The following FANCC variants were observed in gnomAD, a reference collection of about 807,000 sequenced individuals.
FANCC encodes the protein FA complementation group C.
Under a neutral mutation model 71.3 loss-of-function variants are expected in FANCC, and 55 were observed. That is an observed-to-expected ratio of 0.77 (90% confidence interval 0.62 to 0.97). The LOEUF is 0.97. Ranked by LOEUF, FANCC falls within the 50% of genes least tolerant of loss-of-function variation. FANCC has a pLI of 0.00. For synonymous variants in FANCC, 275 were observed against 244.9 expected (o/e 1.12, Z -1.15); for missense variants, 678 against 670.9 (o/e 1.01, Z -0.12).
intron 7 of FANCC, among the ~76,000 whole-genome samples, chr9:95,140,331 G>GA (rs1048303974): frequency 3.9e-5 from 6 of 152,106 alleles, no homozygotes; most frequent in Admixed American, 3.9e-4. Context: ...TTGAGATTTA[G>GA]AAAACTCTAC....
chr9:95,198,727 A>T (rs1827610625), intron 4 of FANCC, among the ~76,000 whole-genome samples: 2 of 151,926 alleles, frequency 1.3e-5, no homozygotes, highest in South Asian at 2.1e-4. Context: ...TCTTATTAAA[A>T]TTTTTTTTGT....
At chr9:95,213,644 T>C (rs1828648002) in intron 4 of FANCC, among the ~76,000 whole-genome samples, 1 of 152,208 alleles carries the variant, frequency 6.6e-6, no homozygotes, top group Admixed American at 6.5e-5. Context: ...TAGCCCCATA[T>C]ACAAATATTA....
intron 13 of FANCC, chr9:95,111,075 A>T: frequency 4.6e-6 from 7 of 1,506,790 alleles, no homozygotes; most frequent in Non-Finnish European, 6.2e-6. Flanking sequence ...GGGGAGCGAG[A>T]CAGGGCCCTG....
At chr9:95,125,257 A>C in intron 9 of FANCC, 72 bp from the exon 10 acceptor site, 1 of 1,238,422 alleles carries the variant, frequency 8.1e-7, no homozygotes, top group Non-Finnish European at 1.2e-6. Context: ...TGCACTGTAT[A>C]AGGGAAAAGT....
chr9:95,162,270 T>C (rs984620461), intron 6 of FANCC, among the ~76,000 whole-genome samples: 1 of 152,370 alleles, frequency 6.6e-6, no homozygotes, highest in African/African-American at 2.4e-5. Context: ...ATCCACACTG[T>C]AGCATATGAC....
At chr9:95,123,552 C>G in intron 10 of FANCC, 2 of 541,624 alleles carry the variant, frequency 3.7e-6, no homozygotes, top group Non-Finnish European at 3.6e-6. Context: ...AACGGTCGTA[C>G]CAAAAAGGGC....
chr9:95,158,110 G>A (rs759420401), intron 6 of FANCC, among the ~76,000 whole-genome samples: 13 of 152,022 alleles, frequency 8.6e-5, no homozygotes, highest in African/African-American at 1.2e-4. Flanking sequence ...GCAACTCTCC[G>A]GCCTACCTTT....
At chr9:95,127,832 CAG>C (rs908452427) in intron 8 of FANCC, among the ~76,000 whole-genome samples, 1 of 152,254 alleles carries the variant, frequency 6.6e-6, no homozygotes, top group African/African-American at 2.4e-5. Flanking sequence ...GTCCACTGGT[CAG>C]CACTGCTGGA....
intron 6 of FANCC, among the ~76,000 whole-genome samples, chr9:95,161,303 C>A (rs1246613219): frequency 1.3e-5 from 2 of 152,196 alleles, no homozygotes; most frequent in African/African-American, 4.8e-5. Context: ...GAAGGAGAAG[C>A]CAGCCCGAAA....
intron 1 of FANCC, among the ~76,000 whole-genome samples, chr9:95,306,382 A>G (rs1835070093): frequency 6.6e-6 from 1 of 152,196 alleles, no homozygotes. Context: ...CTGGTTGGGC[A>G]GTATTCAAAG....
chr9:95,166,288 T>G (rs750973215), intron 6 of FANCC, among the ~76,000 whole-genome samples: 1 of 152,120 alleles, frequency 6.6e-6, no homozygotes, highest in East Asian at 1.9e-4. Flanking sequence ...CTAGTAGTTA[T>G]TCTGTTCACG....
intron 1 of FANCC, among the ~76,000 whole-genome samples, chr9:95,258,555 T>C (rs999342539): frequency 1.1e-4 from 17 of 152,278 alleles, no homozygotes; most frequent in African/African-American, 4.1e-4. Context: ...TAATAAGAGC[T>C]ATTTATGACA....
intron 4 of FANCC, among the ~76,000 whole-genome samples, chr9:95,225,973 G>C (rs1458301334): frequency 2.6e-5 from 4 of 152,112 alleles, no homozygotes; most frequent in African/African-American, 7.2e-5. Flanking sequence ...GTGGAATGAA[G>C]TACTGATCAC....
chr9:95,135,825 C>T (rs1210120345), intron 7 of FANCC, among the ~76,000 whole-genome samples: 1 of 152,224 alleles, frequency 6.6e-6, no homozygotes, highest in African/African-American at 2.4e-5. Context: ...TCGTGATGCC[C>T]AGTCCCTAAC....
intron 4 of FANCC, among the ~76,000 whole-genome samples, chr9:95,175,822 C>T (rs149001479): frequency 9.8e-5 from 15 of 152,372 alleles, no homozygotes; most frequent in Non-Finnish European, 1.8e-4. Context: ...AGGGAAAGCC[C>T]GGCCAGGTCT....
chr9:95,291,632 G>A (rs1010328939), intron 1 of FANCC, among the ~76,000 whole-genome samples: 1 of 151,978 alleles, frequency 6.6e-6, no homozygotes, highest in African/African-American at 2.4e-5. Flanking sequence ...GGAAGAATTC[G>A]TATCTTTTAA....
rs747249669 is a variant in FANCC, at chr9:95,149,996, T to C, written c.613A>G (p.Ile205Val). 3.1e-6 allele frequency: 5 copies of C among 1,613,874 alleles called. No individual in the cohort carries two copies. Among genetic ancestry groups the C allele is most frequent in the Non-Finnish European group, 3.4e-6 (4 of 1,179,956 alleles). Residue 205 changes from isoleucine (I) to valine (V), a missense_variant, in exon 7 of 15, where the codon ATC becomes GTC. Physicochemically the swap from Ile to Val is conservative, Grantham distance 29. Transcript: ENST00000289081. ...TCCTGAGGTTCACGTCCATGACAGA[T>C]GAGGAGAGCCTCCACCAGGGGGTCA... ...DVDPLVEALL[I>V]CHGREPQEIL...
At chr9:95,165,370 T>C (rs1232131768) in intron 6 of FANCC, among the ~76,000 whole-genome samples, 3 of 151,962 alleles carry the variant, frequency 2.0e-5, no homozygotes, top group South Asian at 2.1e-4. Context: ...TATTTTCTTT[T>C]TTTTTCTTCC....
In FANCC at chr9:95,101,114, G is replaced by C. The variant is rs561885351; in HGVS notation, c.*593C>G. ...TCATTTAGCAAATACAGAGTGGAAA[G>C]AGTGTGCCGGAGGCCCGGGCTTGGG... On this transcript the variant is annotated 3_prime_UTR_variant, in exon 15 of 15. Coordinates refer to ENST00000289081, the MANE Select transcript of FANCC (RefSeq NM_000136.3). 1.1e-3 allele frequency: 264 copies of C among 241,118 alleles called. 1 individual carries two copies. The South Asian group carries it at 0.012, about 11-fold the overall frequency. 14.9% of individuals were successfully genotyped at this position (241,118 alleles called of 1,614,324 possible).
Sources: allele counts gnomAD v4.1 joint callset (sites outside exome capture counted in the v4.1 genomes callset), GRCh38; gene constraint gnomAD v4.1.1; transcripts MANE v1.5; gene names NCBI Gene and HGNC (gene_info 2026-07-23, HGNC 2026-07-21).